The following VKORC1L1 variants were observed in gnomAD, a reference collection of about 807,000 sequenced individuals.
VKORC1L1 encodes vitamin K epoxide reductase complex subunit 1L1, also known as vitamin K epoxide reductase complex subunit 1-like protein 1.
A neutral mutation model predicts 18.9 loss-of-function variants in VKORC1L1; 2 were observed. That is an observed-to-expected ratio of 0.11 (90% confidence interval 0.04 to 0.33). The LOEUF (loss-of-function observed/expected upper bound fraction) is 0.33, where lower values mean the gene tolerates loss of function less well. Ranked by LOEUF, VKORC1L1 falls within the 10% of genes least tolerant of loss-of-function variation. The pLI, the probability that VKORC1L1 is intolerant of heterozygous loss-of-function variation, is 1.00. For synonymous variants in VKORC1L1, 96 were observed against 100.0 expected (o/e 0.96, Z 0.24); for missense variants, 123 against 224.1 (o/e 0.55, Z 2.88).
intron 1 of VKORC1L1, among the ~76,000 whole-genome samples, chr7:65,941,262 C>A (rs186456556): frequency 6.6e-6 from 1 of 152,198 alleles, no homozygotes; most frequent in Non-Finnish European, 1.5e-5. Context: ...TGTGCCATCA[C>A]GCCCAGCAAT....
intron 1 of VKORC1L1, among the ~76,000 whole-genome samples, chr7:65,931,039 A>T (rs1352587850): frequency 2.0e-5 from 3 of 152,144 alleles, no homozygotes; most frequent in Non-Finnish European, 4.4e-5. Context: ...TGGTTTTTAA[A>T]TGTCAGACCT....
chr7:65,870,578 C>A (rs1476654950), upstream of VKORC1L1, among the ~76,000 whole-genome samples: 1 of 152,116 alleles, frequency 6.6e-6, no homozygotes, highest in Non-Finnish European at 1.5e-5. Flanking sequence ...TTGTGGATAT[C>A]TAATATAATG....
At chr7:65,900,842 A>G (rs530846533) in intron 1 of VKORC1L1, among the ~76,000 whole-genome samples, 3 of 152,290 alleles carry the variant, frequency 2.0e-5, no homozygotes, top group South Asian at 2.1e-4. Flanking sequence ...AAGTACATAC[A>G]TAAACTTTAA....
At chr7:65,874,438 T>C (rs532718100) in intron 1 of VKORC1L1, among the ~76,000 whole-genome samples, 43 of 151,974 alleles carry the variant, frequency 2.8e-4, no homozygotes, top group Middle Eastern at 3.4e-3. Context: ...CCTCAGGTAA[T>C]CCACCCACCT....
chr7:65,885,774 C>T lies in VKORC1L1; in HGVS notation c.194+12209C>T, dbSNP rs59548993. ...GTTTATTCCATTACCACCCCTCCCC[C>T]GTGGCTTTTTATAGAAGTTTGATAT... On this transcript the variant is annotated intron_variant, in intron 1 of 2. Transcript: ENST00000360768. 2.0e-3 allele frequency among the ~76,000 whole-genome samples: 299 copies of T among 152,192 alleles called. 3 individuals are homozygous for T. The highest frequency in any genetic ancestry group is 6.5e-3 in the African/African-American group (271 of 41,534).
intron 1 of VKORC1L1, among the ~76,000 whole-genome samples, chr7:65,884,088 G>C (rs1583823578): frequency 6.6e-6 from 1 of 152,138 alleles, no homozygotes; most frequent in Admixed American, 6.5e-5. Context: ...TCTATACATT[G>C]TGCCAGTGGT....
intron 1 of VKORC1L1, among the ~76,000 whole-genome samples, chr7:65,883,136 CTTT>C (rs34906605): frequency 1.8e-5 from 2 of 109,620 alleles, no homozygotes; most frequent in Non-Finnish European, 3.6e-5. Flanking sequence ...TACATTTGAG[CTTT>C]TTTTTTTTTT....
At chr7:65,927,386 G>A (rs967476609) in intron 1 of VKORC1L1, among the ~76,000 whole-genome samples, 12 of 152,226 alleles carry the variant, frequency 7.9e-5, no homozygotes, top group Admixed American at 2.0e-4. Context: ...GGATGGATAT[G>A]GATTCACTAT....
intron 1 of VKORC1L1, among the ~76,000 whole-genome samples, chr7:65,906,232 C>T (rs891775182): frequency 1.3e-5 from 2 of 151,736 alleles, no homozygotes; most frequent in African/African-American, 2.4e-5. Context: ...GTCAGGAGTT[C>T]GAGACCAGCC....
chr7:65,942,985 A>C (rs968888098), intron 1 of VKORC1L1, among the ~76,000 whole-genome samples: 1 of 152,252 alleles, frequency 6.6e-6, no homozygotes, highest in African/African-American at 2.4e-5. Flanking sequence ...TAAACAATAT[A>C]TACTGATAGA....
intron 1 of VKORC1L1, among the ~76,000 whole-genome samples, chr7:65,947,192 A>G (rs2115730657): frequency 6.6e-6 from 1 of 152,192 alleles, no homozygotes; most frequent in East Asian, 1.9e-4. Context: ...TACAATAAAA[A>G]TCTTCATGGC....
At chr7:65,949,457 C>T (rs1790177714) in intron 2 of VKORC1L1, among the ~76,000 whole-genome samples, 1 of 144,424 alleles carries the variant, frequency 6.9e-6, no homozygotes, top group African/African-American at 2.6e-5. Context: ...CCAGCCTGGG[C>T]AACAAGAGCG....
intron 1 of VKORC1L1, among the ~76,000 whole-genome samples, chr7:65,922,235 CCCCCTCTATCTT>C (rs1328017157): frequency 1.3e-5 from 2 of 151,580 alleles, no homozygotes; most frequent in Non-Finnish European, 2.9e-5. Context: ...ATCGTTATTT[CCCCCTCTATCTT>C]TGCAGTGCTT....
Position 65,873,504 on chromosome 7 carries a change from G to A in VKORC1L1, c.133G>A (p.Glu45Lys), listed in dbSNP as rs373575875. ...HVEREKERDP[E>K]HRALCDLGPW... Reference sequence around the variant, plus strand: ...GGAGCGGGAGAAGGAGCGGGACCCCGAGCACCGGGCCCTCTGCGACCTGGG... The same window carrying A: ...GGAGCGGGAGAAGGAGCGGGACCCCAAGCACCGGGCCCTCTGCGACCTGGG... Residue 45 changes from glutamate to lysine, a missense_variant, in exon 1 of 3, where the codon GAG becomes AAG. Glu to Lys is a moderately conservative substitution (Grantham distance 56). Coordinates refer to ENST00000360768, the MANE Select transcript of VKORC1L1 (RefSeq NM_173517.6). 1.7e-4 allele frequency: 263 copies of A among 1,593,328 alleles called. 3 individuals carry two copies. The South Asian group carries it at 2.9e-3, about 17-fold the overall frequency.
chr7:65,916,922 A>T (rs1403320051), intron 1 of VKORC1L1, among the ~76,000 whole-genome samples: 3 of 152,152 alleles, frequency 2.0e-5, no homozygotes, highest in African/African-American at 7.2e-5. Context: ...TTAGGATAAC[A>T]GTTCATGGTT....
rs890481575 is a variant in VKORC1L1, at chr7:65,955,940, ACT to A, written c.*1642_*1643del. 3.3e-5 allele frequency: 5 copies of A among 152,164 alleles called. No individual in the cohort carries two copies. Among genetic ancestry groups the A allele is most frequent in the African/African-American group, 4.8e-5 (2 of 41,432 alleles). The allele number at this position is 152,164 out of a possible 1,614,324, so 9.4% of individuals were successfully genotyped here. On this transcript the variant is annotated 3_prime_UTR_variant, in exon 3 of 3. Coordinates refer to ENST00000360768, the MANE Select transcript of VKORC1L1 (RefSeq NM_173517.6). Reference sequence around the variant, plus strand: ...GCAACAATTCCGTAGCTTCCAACTGACTCAGAATTGATGCAACGTAGGTCTTC... The same window carrying A: ...GCAACAATTCCGTAGCTTCCAACTGACAGAATTGATGCAACGTAGGTCTTC...
intron 1 of VKORC1L1, among the ~76,000 whole-genome samples, chr7:65,901,533 G>C (rs1278201091): frequency 6.6e-6 from 1 of 152,224 alleles, no homozygotes; most frequent in Non-Finnish European, 1.5e-5. Context: ...TGTGGTCACT[G>C]AAAGCTGGGA....
chr7:65,952,513 G>A (rs112970356), intron 2 of VKORC1L1, among the ~76,000 whole-genome samples: 5 of 151,952 alleles, frequency 3.3e-5, no homozygotes, highest in African/African-American at 9.6e-5. Flanking sequence ...GCCCACAGGC[G>A]TCTTCTTGTT....
At chr7:65,888,961 A>G (rs949180680) in intron 1 of VKORC1L1, among the ~76,000 whole-genome samples, 1 of 151,982 alleles carries the variant, frequency 6.6e-6, no homozygotes, top group African/African-American at 2.4e-5. Flanking sequence ...AGTACCCATA[A>G]TCCATGTCCT....
Sources: gnomAD v4.1 joint callset for allele counts (sites outside exome capture counted in the v4.1 genomes callset) on GRCh38, gnomAD v4.1.1 for gene constraint, MANE v1.5 for transcripts, NCBI Gene and HGNC (gene_info 2026-07-23, HGNC 2026-07-21) for gene names.